CEP112: variants seen among roughly 807,000 people sequenced by gnomAD.
CEP112 encodes the protein centrosomal protein 112, also known as centrosomal protein of 112 kDa.
CEP112 carries 127 observed loss-of-function variants against 153.0 expected under a neutral mutation model. The observed-to-expected ratio is 0.83, with a 90% CI of 0.72 to 0.96. The LOEUF (loss-of-function observed/expected upper bound fraction) is 0.96, where lower values mean the gene tolerates loss of function less well. CEP112 is among the 40% of genes least tolerant of loss of function. CEP112 has a pLI of 0.00. For missense variants in CEP112, 1,089 were observed against 1,101.2 expected (o/e 0.99, Z 0.16); for synonymous variants, 358 against 374.4 (o/e 0.96, Z 0.51).
chr17:65,864,265 G>A (rs188456499), intron 20 of CEP112, among the ~76,000 whole-genome samples: 61 of 152,162 alleles, frequency 4.0e-4, no homozygotes, highest in African/African-American at 1.3e-3. Flanking sequence ...TTACCTCTTC[G>A]AGTCATATTT....
chr17:65,881,915 C>T (rs752300280), intron 20 of CEP112, among the ~76,000 whole-genome samples: 2 of 152,164 alleles, frequency 1.3e-5, no homozygotes, highest in Non-Finnish European at 2.9e-5. Context: ...TCCCTCACTG[C>T]GGAATCAGTA....
At chr17:65,733,554 C>T (rs755486928) in intron 23 of CEP112, among the ~76,000 whole-genome samples, 7 of 152,016 alleles carry the variant, frequency 4.6e-5, no homozygotes, top group South Asian at 4.1e-4. Context: ...ACAAGGCGCA[C>T]GATATTTTTT....
At chr17:65,760,591 T>C (rs1178878853) in intron 21 of CEP112, among the ~76,000 whole-genome samples, 1 of 152,190 alleles carries the variant, frequency 6.6e-6, no homozygotes, top group Non-Finnish European at 1.5e-5. Context: ...ATAACTGGGA[T>C]ACATTCCACT....
At chr17:66,050,369 G>A (rs960575206) in intron 12 of CEP112, among the ~76,000 whole-genome samples, 2 of 152,060 alleles carry the variant, frequency 1.3e-5, no homozygotes, top group African/African-American at 4.8e-5. Flanking sequence ...GAGCCTCAAG[G>A]ACTCCCAGGG....
chr17:66,079,302 C>T (rs1160737655), intron 8 of CEP112, among the ~76,000 whole-genome samples: 2 of 152,052 alleles, frequency 1.3e-5, no homozygotes, highest in Non-Finnish European at 2.9e-5. Flanking sequence ...TCAGGATACA[C>T]ACACAAGGTT....
intron 20 of CEP112, among the ~76,000 whole-genome samples, chr17:65,900,274 T>C (rs1045893904): frequency 6.6e-6 from 1 of 152,192 alleles, no homozygotes; most frequent in Non-Finnish European, 1.5e-5. Context: ...TGGCATTCCC[T>C]TGACAGCAAT....
chr17:65,768,863 A>C (rs767429908), intron 21 of CEP112, among the ~76,000 whole-genome samples: 5 of 152,142 alleles, frequency 3.3e-5, no homozygotes, highest in African/African-American at 4.8e-5. Context: ...TTTTTCTCTA[A>C]GATCTGGTAT....
intron 18 of CEP112, among the ~76,000 whole-genome samples, chr17:65,944,915 T>C (rs2061605818): frequency 6.6e-6 from 1 of 152,190 alleles, no homozygotes; most frequent in Admixed American, 6.5e-5. Context: ...TAAATTCCTT[T>C]TGGACAAGTA....
At chr17:66,152,048 A>T (rs537941572) in intron 4 of CEP112, among the ~76,000 whole-genome samples, 72 of 152,236 alleles carry the variant, frequency 4.7e-4, no homozygotes, top group Non-Finnish European at 9.4e-4. Flanking sequence ...AGCTAGGTAT[A>T]GCTAGAAAGA....
At chr17:65,663,747 C>G (rs985870558) in intron 24 of CEP112, among the ~76,000 whole-genome samples, 2 of 152,244 alleles carry the variant, frequency 1.3e-5, no homozygotes, top group African/African-American at 4.8e-5. Context: ...GGAATCAAAC[C>G]CTGTCTTCAA....
At chr17:65,837,638 C>T (rs1020613405) in intron 21 of CEP112, among the ~76,000 whole-genome samples, 6 of 152,122 alleles carry the variant, frequency 3.9e-5, no homozygotes, top group Non-Finnish European at 5.9e-5. Flanking sequence ...GCAGTTTTGT[C>T]GAATAGAAAA....
At chr17:65,745,905 T>C (rs983047155) in intron 22 of CEP112, among the ~76,000 whole-genome samples, 1 of 151,942 alleles carries the variant, frequency 6.6e-6, no homozygotes, top group East Asian at 1.9e-4. Flanking sequence ...TTTCAGAACA[T>C]TTAGGACAAA....
At chr17:65,762,711 T>C (rs1253884488) in intron 21 of CEP112, among the ~76,000 whole-genome samples, 2 of 151,974 alleles carry the variant, frequency 1.3e-5, no homozygotes, top group Non-Finnish European at 2.9e-5. Flanking sequence ...ATGAATGAAA[T>C]AATCCTAATT....
At chr17:65,698,720 G>A (rs1289675098) in intron 23 of CEP112, among the ~76,000 whole-genome samples, 1 of 152,012 alleles carries the variant, frequency 6.6e-6, no homozygotes, top group Non-Finnish European at 1.5e-5. Context: ...TCTTATCTCG[G>A]GTGGTAGAAA....
At chr17:65,819,528 T>A (rs2056429909) in intron 21 of CEP112, among the ~76,000 whole-genome samples, 1 of 151,920 alleles carries the variant, frequency 6.6e-6, no homozygotes, top group Non-Finnish European at 1.5e-5. Context: ...CCAAGATATT[T>A]TACCTCTTAG....
In CEP112 at chr17:65,783,082, A is replaced by T. The variant is rs189636280; in HGVS notation, c.2395-32358T>A. Among the ~76,000 whole-genome samples, 151 of 133,004 alleles carry T rather than the reference A, an allele frequency of 1.1e-3. 1 individual carries two copies. The highest frequency in any genetic ancestry group is 3.4e-3 in the African/African-American group (131 of 38,186). 87.3% of individuals were successfully genotyped at this position (133,004 alleles called of 152,430 possible). On this transcript the variant is annotated intron_variant, in intron 21 of 26. Coordinates refer to ENST00000535342, the MANE Select transcript of CEP112 (RefSeq NM_001199165.4). ...TTTACTACTTTTCAAGAAAATATTTAAAAAAAAAGAATAATTCACATTTAA... is the reference window on the plus strand; with the variant it reads ...TTTACTACTTTTCAAGAAAATATTTTAAAAAAAAGAATAATTCACATTTAA...
chr17:66,043,693 C>T (rs963349214), intron 12 of CEP112, among the ~76,000 whole-genome samples: 6 of 152,118 alleles, frequency 3.9e-5, no homozygotes, highest in Non-Finnish European at 7.4e-5. Context: ...TTTATATTTA[C>T]GTTTTAATAT....
chr17:65,833,232 C>T (rs376754887), intron 21 of CEP112, among the ~76,000 whole-genome samples: 1 of 152,262 alleles, frequency 6.6e-6, no homozygotes, highest in East Asian at 1.9e-4. Flanking sequence ...CCATCTATAA[C>T]AAACCCACCA....
At chr17:65,786,292 A>G (rs2054269544) in intron 21 of CEP112, among the ~76,000 whole-genome samples, 2 of 150,466 alleles carry the variant, frequency 1.3e-5, no homozygotes, top group African/African-American at 4.9e-5. Context: ...GTAAACTCTT[A>G]TTTTTCAAAC....
Sources: gnomAD v4.1 joint callset for allele counts (sites outside exome capture counted in the v4.1 genomes callset) on GRCh38, gnomAD v4.1.1 for gene constraint, MANE v1.5 for transcripts, NCBI Gene and HGNC (gene_info 2026-07-23, HGNC 2026-07-21) for gene names.